CFAP20DC: variants seen among roughly 807,000 people sequenced by gnomAD.
CFAP20DC encodes the protein protein CFAP20DC.
A neutral mutation model predicts 101.7 loss-of-function variants in CFAP20DC; 84 were observed. The observed-to-expected ratio is 0.83, with a 90% CI of 0.69 to 0.99. The LOEUF (loss-of-function observed/expected upper bound fraction) is 0.99. Ranked by LOEUF, CFAP20DC falls within the 50% of genes least tolerant of loss-of-function variation. CFAP20DC has a pLI of 0.00. For missense variants in CFAP20DC, 1,007 were observed against 970.3 expected, an observed-to-expected ratio of 1.04 and a Z score of -0.50; for synonymous variants, 359 against 351.2, an observed-to-expected ratio of 1.02 and a Z score of -0.25.
At chr3:58,990,749 C>T (rs1352504979) in intron 4 of CFAP20DC, among the ~76,000 whole-genome samples, 3 of 133,414 alleles carry the variant, frequency 2.2e-5, no homozygotes, top group African/African-American at 1.1e-4. Flanking sequence ...TTAGGATGCT[C>T]AGCTGGTGTG....
rs1019891116 is a variant in CFAP20DC, at chr3:58,729,470, T to C, written c.198-11842A>G. 2.6e-5 allele frequency among the ~76,000 whole-genome samples: 4 copies of C among 152,196 alleles called. No homozygotes were observed. Among genetic ancestry groups the C allele is most frequent in the Admixed American group, 6.5e-5 (1 of 15,284 alleles). ...AACAACATTAACGAATTCTTATAAC[T>C]TTTATTAATTTATGTGTAGATAAAA... is the stretch of plus-strand genomic sequence containing the variant. On this transcript the variant is annotated intron_variant, in intron 3 of 3. Transcript: ENST00000486145. This position sits in a 1 kb window ranked among gnomAD's most constrained non-coding sequence, Gnocchi z 4.4.
Position 59,011,058 on chromosome 3 carries a change from A to G in CFAP20DC, c.278+28499T>C, listed in dbSNP as rs182766534. ...CTCAAAACCTCTGGGATACAACAAA[A>G]GTGGTCTTAAGAGAAAAGTTCGCAG... On this transcript the variant is annotated intron_variant, in intron 4 of 16. Transcript: ENST00000482387. Among the ~76,000 whole-genome samples the G allele has an allele frequency of 1.3e-3, 205 of 152,280 alleles. 2 individuals are homozygous for G. The highest frequency in any genetic ancestry group is 4.7e-3 in the African/African-American group (197 of 41,570).
At chr3:58,794,965 T>C (rs1361043604) in intron 15 of CFAP20DC, among the ~76,000 whole-genome samples, 4 of 152,140 alleles carry the variant, frequency 2.6e-5, no homozygotes, top group African/African-American at 9.7e-5. Context: ...AAATGAATAA[T>C]GAGATCATGA....
intron 13 of CFAP20DC, among the ~76,000 whole-genome samples, chr3:58,842,171 C>T (rs1224229339): frequency 1.3e-5 from 2 of 151,856 alleles, no homozygotes; most frequent in Non-Finnish European, 2.9e-5. Flanking sequence ...GCCAAGATGG[C>T]CGAATAGGAA....
At chr3:58,962,343 T>G (rs1361802964) in intron 4 of CFAP20DC, among the ~76,000 whole-genome samples, 1 of 152,234 alleles carries the variant, frequency 6.6e-6, no homozygotes, top group Non-Finnish European at 1.5e-5. Flanking sequence ...TATCTCATGT[T>G]TATTTTTAAT....
At chr3:58,837,783 C>A (rs1434922755) in intron 13 of CFAP20DC, among the ~76,000 whole-genome samples, 1 of 151,930 alleles carries the variant, frequency 6.6e-6, no homozygotes, top group African/African-American at 2.4e-5. Context: ...GTTTTTGGAC[C>A]CCAACATGAC....
rs575158935 is a variant in CFAP20DC, at chr3:58,863,034, A to G, written c.1593+524T>C. On this transcript the variant is annotated intron_variant, in intron 12 of 16. Coordinates refer to ENST00000482387, the MANE Select transcript of CFAP20DC (RefSeq NM_001394063.1). The surrounding 1 kb of genome is among the most constrained non-coding windows in gnomAD (Gnocchi z 5.9). ...GAAAATCTCCTGTAAGGCAAGTCCC[A>G]GCACTAATCCACGACTCATTATCTA... The G allele has an allele frequency of 1.5e-5, 15 of 988,110 alleles. 1 individual carries two copies. The South Asian group carries it at 6.6e-4, about 43-fold the overall frequency. 61.2% of individuals were successfully genotyped at this position (988,110 alleles called of 1,614,324 possible).
chr3:58,772,475 G>A (rs1485910790), intron 15 of CFAP20DC, among the ~76,000 whole-genome samples: 1 of 152,164 alleles, frequency 6.6e-6, no homozygotes, highest in Admixed American at 6.5e-5. Flanking sequence ...TAAAATTAAG[G>A]AGATGGGACA....
intron 14 of CFAP20DC, among the ~76,000 whole-genome samples, chr3:58,808,399 G>A (rs1009617713): frequency 6.6e-6 from 1 of 152,112 alleles, no homozygotes; most frequent in Non-Finnish European, 1.5e-5. Flanking sequence ...AAAAGAGTGG[G>A]GACCAATATT....
chr3:58,807,995 G>A lies in CFAP20DC; in HGVS notation c.2176-1539C>T, dbSNP rs971045698. Among the ~76,000 whole-genome samples, 11 of 152,278 alleles carry A rather than the reference G, an allele frequency of 7.2e-5. No homozygotes were observed. In the East Asian group the frequency reaches 2.1e-3, roughly 29 times the overall value. ...GAAGATGAAATGAATGAAATGAAGT[G>A]AGATGGGAAGTTTAGAGAAAAAAGA... On this transcript the variant is annotated intron_variant, in intron 14 of 16. Coordinates refer to ENST00000482387, the MANE Select transcript of CFAP20DC (RefSeq NM_001394063.1).
chr3:58,870,642 A>G (rs1184929269), intron 7 of CFAP20DC, among the ~76,000 whole-genome samples: 2 of 150,382 alleles, frequency 1.3e-5, no homozygotes, highest in African/African-American at 4.9e-5. Flanking sequence ...TAATCCCAGC[A>G]CTTTGGGAGG....
At position 58,861,254 on chromosome 3, in the gene CFAP20DC, C is replaced by T. The variant is rs1025604598; in HGVS notation, c.1593+2304G>A. The T allele has an allele frequency of 2.3e-5, 13 of 559,412 alleles. No individual in the cohort carries two copies. The highest frequency in any genetic ancestry group is 8.1e-5 in the African/African-American group (4 of 49,216). 34.7% of individuals were successfully genotyped at this position (559,412 alleles called of 1,614,324 possible). ...AACATCAAATAAAGTCTTTTAATTA[C>T]ACTTTATAAACTTCAAGCATAATAA... On this transcript the variant is annotated intron_variant, in intron 12 of 16. Coordinates refer to ENST00000482387, the MANE Select transcript of CFAP20DC (RefSeq NM_001394063.1). This position sits in a 1 kb window ranked among gnomAD's most constrained non-coding sequence, Gnocchi z 4.0.
chr3:58,787,448 C>T (rs1304122250), intron 15 of CFAP20DC, among the ~76,000 whole-genome samples: 4 of 151,740 alleles, frequency 2.6e-5, no homozygotes, highest in African/African-American at 9.7e-5. Flanking sequence ...ATGTAACTAA[C>T]CTGCACAATG....
intron 6 of CFAP20DC, among the ~76,000 whole-genome samples, chr3:58,908,536 G>T (rs186269454): frequency 6.6e-6 from 1 of 152,154 alleles, no homozygotes. Context: ...ATAGGAACTC[G>T]TATTCACTGC....
At chr3:58,785,725 G>A (rs2072272326) in intron 15 of CFAP20DC, among the ~76,000 whole-genome samples, 1 of 152,026 alleles carries the variant, frequency 6.6e-6, no homozygotes, top group Non-Finnish European at 1.5e-5. Flanking sequence ...ACCAAAATAT[G>A]TCCCCCAAAA....
intron 14 of CFAP20DC, among the ~76,000 whole-genome samples, chr3:58,814,214 A>T (rs2074924940): frequency 1.3e-5 from 2 of 151,822 alleles, no homozygotes; most frequent in Non-Finnish European, 2.9e-5. Context: ...ACTTACACCA[A>T]TGCCCAAACC....
intron 15 of CFAP20DC, among the ~76,000 whole-genome samples, chr3:58,801,921 G>A (rs1478433708): frequency 6.6e-6 from 1 of 152,158 alleles, no homozygotes; most frequent in East Asian, 1.9e-4. Context: ...AGAAAATCAT[G>A]CCATTCTTGC....
At chr3:58,830,692 C>A (rs1302559191) in intron 14 of CFAP20DC, among the ~76,000 whole-genome samples, 1 of 152,048 alleles carries the variant, frequency 6.6e-6, no homozygotes, top group African/African-American at 2.4e-5. Flanking sequence ...TTTATATTTT[C>A]TTTAAAAATT....
intron 4 of CFAP20DC, among the ~76,000 whole-genome samples, chr3:58,979,167 G>A (rs375884761): frequency 1.3e-5 from 2 of 152,304 alleles, no homozygotes; most frequent in Non-Finnish European, 2.9e-5. Context: ...AAGTGAAAGA[G>A]GAAGGACAGA....
Sources: gnomAD v4.1 joint callset for allele counts (sites outside exome capture counted in the v4.1 genomes callset) on GRCh38, gnomAD v4.1.1 for gene constraint, Gnocchi (gnomAD v3.1) non-coding constraint, MANE v1.5 for transcripts, NCBI Gene and HGNC (gene_info 2026-07-23, HGNC 2026-07-21) for gene names.